CIMIP6: variants seen among roughly 807,000 people sequenced by gnomAD.
The protein encoded by CIMIP6 is ciliary microtubule inner protein 6.
the CIMIP6 span, among the ~76,000 whole-genome samples, chr2:54,336,686 A>G: frequency 5.3e-5 from 8 of 152,230 alleles, no homozygotes; most frequent in Admixed American, 5.2e-4. Context: ...TTGGAATGTT[A>G]CATGGTAGTA....
chr2:54,338,507 C>T, the CIMIP6 span, among the ~76,000 whole-genome samples: 2 of 74,146 alleles, frequency 2.7e-5, 1 homozygote, highest in Non-Finnish European at 7.0e-5. Context: ...TCTAACTATC[C>T]AAGAAATAAT....
the CIMIP6 span, among the ~76,000 whole-genome samples, chr2:54,338,269 CA>C: frequency 1.2e-4 from 18 of 151,670 alleles, no homozygotes; most frequent in Non-Finnish European, 2.4e-4. Context: ...CCGAGCGCTA[CA>C]AAAATAAATA....
At chr2:54,334,995 A>C in the CIMIP6 span, 6 of 1,603,526 alleles carry the variant, frequency 3.7e-6, no homozygotes, top group South Asian at 2.3e-5. Flanking sequence ...ATTTCCCTAC[A>C]TAGATCCCAA....
chr2:54,360,466 C>T, the CIMIP6 span: 1 of 1,581,310 alleles, frequency 6.3e-7, no homozygotes, highest in Non-Finnish European at 8.6e-7. Flanking sequence ...CTCCTGAGAG[C>T]AGAGAAAAGA....
the CIMIP6 span, among the ~76,000 whole-genome samples, chr2:54,381,236 G>A: frequency 6.6e-6 from 1 of 152,106 alleles, no homozygotes; most frequent in Non-Finnish European, 1.5e-5. Context: ...AGACCAATGT[G>A]ATATGATATT....
At chr2:54,333,706 T>G in the CIMIP6 span, among the ~76,000 whole-genome samples, 1 of 151,878 alleles carries the variant, frequency 6.6e-6, no homozygotes, top group Non-Finnish European at 1.5e-5. Context: ...CTGGCCAACA[T>G]GACGAAACCC....
the CIMIP6 span, chr2:54,334,853 A>T: frequency 6.5e-7 from 1 of 1,550,368 alleles, no homozygotes; most frequent in East Asian, 2.4e-5. Context: ...TAACATATGT[A>T]AGTGAAAATG....
chr2:54,362,811 T>G, the CIMIP6 span, among the ~76,000 whole-genome samples: 1 of 152,222 alleles, frequency 6.6e-6, no homozygotes, highest in Non-Finnish European at 1.5e-5. Context: ...CCTCCCACAG[T>G]GCTGGGATTA....
At chr2:54,355,547 T>C in the CIMIP6 span, among the ~76,000 whole-genome samples, 2 of 152,150 alleles carry the variant, frequency 1.3e-5, no homozygotes, top group Admixed American at 6.6e-5. Flanking sequence ...ATCATCATTT[T>C]CTCAAATATT....
chr2:54,335,172 A>G, the CIMIP6 span: 6 of 625,368 alleles, frequency 9.6e-6, no homozygotes, highest in East Asian at 1.7e-4. Context: ...ACCTGAAACT[A>G]TTTTGCCAGC....
At chr2:54,361,341 T>C in the CIMIP6 span, 1 of 152,186 alleles carries the variant, frequency 6.6e-6, no homozygotes, top group Non-Finnish European at 1.5e-5. Context: ...TTGGATGAGT[T>C]TGGTAAGGAT....
At chr2:54,346,189 G>A in the CIMIP6 span, among the ~76,000 whole-genome samples, 4 of 152,126 alleles carry the variant, frequency 2.6e-5, no homozygotes, top group African/African-American at 4.8e-5. Flanking sequence ...CTATAGACAC[G>A]AGTTTAAATA....
the CIMIP6 span, among the ~76,000 whole-genome samples, chr2:54,382,659 AT>A: frequency 1.3e-5 from 2 of 152,164 alleles, no homozygotes; most frequent in Admixed American, 1.3e-4. Context: ...CCACATGCTA[AT>A]AAACACAGAT....
the CIMIP6 span, among the ~76,000 whole-genome samples, chr2:54,371,875 C>T: frequency 2.6e-5 from 4 of 152,178 alleles, no homozygotes; most frequent in Non-Finnish European, 5.9e-5. Flanking sequence ...GGCTCTGTCA[C>T]TTGCTGGCTG....
the CIMIP6 span, among the ~76,000 whole-genome samples, chr2:54,359,753 C>G: frequency 6.6e-6 from 1 of 152,068 alleles, no homozygotes; most frequent in South Asian, 2.1e-4. Context: ...TTTTTTCCAA[C>G]TATAGATGTT....
the CIMIP6 span, chr2:54,343,729 T>C: frequency 6.3e-7 from 1 of 1,591,698 alleles, no homozygotes; most frequent in South Asian, 1.2e-5. Flanking sequence ...GGGTGACTGG[T>C]GGTCACATGG....
chr2:54,353,793 A>G, the CIMIP6 span, among the ~76,000 whole-genome samples: 1 of 152,024 alleles, frequency 6.6e-6, no homozygotes, highest in Non-Finnish European at 1.5e-5. Flanking sequence ...CACGTTACAA[A>G]TATCTCCTTC....
the CIMIP6 span, among the ~76,000 whole-genome samples, chr2:54,380,401 C>T: frequency 6.6e-6 from 1 of 152,174 alleles, no homozygotes; most frequent in Non-Finnish European, 1.5e-5. Flanking sequence ...ATCCCCCAAC[C>T]CCCCTGCACT....
chr2:54,381,811 T>C, the CIMIP6 span: 1 of 1,513,196 alleles, frequency 6.6e-7, no homozygotes, highest in Non-Finnish European at 8.8e-7. Context: ...CTTTTTCCCA[T>C]AATTTTTCAG....
Sources: gnomAD v4.1 joint callset for allele counts (sites outside exome capture counted in the v4.1 genomes callset) on GRCh38, gnomAD v4.1.1 for gene constraint, MANE v1.5 for transcripts, NCBI Gene and HGNC (gene_info 2026-07-23, HGNC 2026-07-21) for gene names.